The following F13B variants were observed in gnomAD, a reference collection of about 807,000 sequenced individuals.
F13B encodes coagulation factor XIII B chain.
In F13B, 58 loss-of-function variants were observed where a neutral mutation model predicts 79.8. The observed-to-expected ratio is 0.73, with a 90% CI of 0.59 to 0.90. F13B has a LOEUF of 0.90. Ranked by LOEUF, F13B falls within the 40% of genes least tolerant of loss-of-function variation. The probability of loss-of-function intolerance (pLI) is 0.00; values close to 1 mark genes in which losing one functional copy is unlikely to be tolerated. For missense variants in F13B, 773 were observed against 777.0 expected (o/e 0.99, Z 0.06); for synonymous variants, 283 against 260.3 (o/e 1.09, Z -0.84).
intron 1 of F13B, among the ~76,000 whole-genome samples, chr1:197,064,859 G>T (rs1655993622): frequency 6.6e-6 from 1 of 152,170 alleles, no homozygotes; most frequent in Non-Finnish European, 1.5e-5. Flanking sequence ...GGGCAGTCAT[G>T]GATGGAAGAA....
intron 11 of F13B, among the ~76,000 whole-genome samples, chr1:197,039,653 G>T (rs796744375): frequency 1.1e-4 from 17 of 152,072 alleles, no homozygotes; most frequent in African/African-American, 3.6e-4. Flanking sequence ...TCTTAAAAGT[G>T]AGAAATTCAT....
chr1:197,052,879 A>G (rs1655499342), intron 8 of F13B, 45 bp from the exon 9 acceptor site: 2 of 1,469,746 alleles, frequency 1.4e-6, no homozygotes, highest in South Asian at 2.4e-5. Flanking sequence ...TGTCTGACAA[A>G]TATAAAAGTG....
chr1:197,049,120 C>G (rs994160429), intron 10 of F13B, among the ~76,000 whole-genome samples: 1 of 151,822 alleles, frequency 6.6e-6, no homozygotes, highest in African/African-American at 2.4e-5. Context: ...TAAAGTTGTG[C>G]TCAGAGAGAA....
chr1:197,039,934 G>A (rs1056097908), intron 11 of F13B, among the ~76,000 whole-genome samples: 1 of 151,738 alleles, frequency 6.6e-6, no homozygotes, highest in Non-Finnish European at 1.5e-5. Flanking sequence ...TTTATATATA[G>A]TGTCTTCAAA....
At chr1:197,066,003 T>G (rs574406770) in intron 1 of F13B, among the ~76,000 whole-genome samples, 22 of 152,132 alleles carry the variant, frequency 1.4e-4, no homozygotes, top group East Asian at 3.9e-4. Flanking sequence ...TACTTTTTTT[T>G]TTGTTGTGTA....
intron 10 of F13B, among the ~76,000 whole-genome samples, chr1:197,047,291 A>G (rs922654872): frequency 2.6e-5 from 4 of 152,232 alleles, no homozygotes; most frequent in African/African-American, 9.6e-5. Flanking sequence ...CAGAATCTAC[A>G]AAGAGCTTAA....
At chr1:197,053,940 G>A (rs1377155613) in intron 8 of F13B, among the ~76,000 whole-genome samples, 1 of 152,038 alleles carries the variant, frequency 6.6e-6, no homozygotes, top group Admixed American at 6.6e-5. Context: ...CAGAAAGACT[G>A]GAGTGATTAG....
At chr1:197,061,582 G>A (rs757504431) in intron 3 of F13B, among the ~76,000 whole-genome samples, 2 of 151,958 alleles carry the variant, frequency 1.3e-5, no homozygotes, top group Admixed American at 6.6e-5. Flanking sequence ...AACTATTGGC[G>A]TAGGTGGGTT....
chr1:197,039,946 AG>A (rs1271716942), intron 11 of F13B, among the ~76,000 whole-genome samples: 1 of 152,042 alleles, frequency 6.6e-6, no homozygotes, highest in African/African-American at 2.4e-5. Context: ...GTCTTCAAAA[AG>A]GGTTAAAATT....
intron 2 of F13B, 40 bp downstream of exon 2, chr1:197,062,817 T>G: frequency 1.3e-4 from 202 of 1,587,316 alleles, no homozygotes; most frequent in Non-Finnish European, 1.6e-4. Flanking sequence ...CAAATTTCTT[T>G]GAGTATTGAA....
intron 11 of F13B, among the ~76,000 whole-genome samples, chr1:197,039,770 A>G (rs1654969315): frequency 6.6e-6 from 1 of 151,994 alleles, no homozygotes; most frequent in African/African-American, 2.4e-5. Flanking sequence ...TCTTTTAAAT[A>G]TTTTTTTACT....
At chr1:197,060,691 A>G in intron 4 of F13B, 149 bp from the exon 5 acceptor site, 1 of 733,848 alleles carries the variant, frequency 1.4e-6, no homozygotes, top group East Asian at 2.7e-5. Flanking sequence ...AAATATCATT[A>G]GGCTTATTCT....
At position 197,057,301 on chromosome 1, in the gene F13B, G is replaced by A; in HGVS notation, c.970C>T (p.Pro324Ser). 2 of 1,613,906 alleles carry A rather than the reference G, an allele frequency of 1.2e-6. No homozygotes were observed. Among genetic ancestry groups the A allele is most frequent in the Non-Finnish European group, 1.7e-6 (2 of 1,179,914 alleles). The change falls in exon 6 of 12, where the codon CCT (proline) becomes TCT (serine). Residue 324 changes from proline (P) to serine (S), a missense_variant. Transcript: ENST00000367412. ...TGTTACTAACCAATGCATTTTGGAG[G>A]TTCTGTCCATTTTCCATCTTCACAA... ...IRCEDGKWTE[P>S]PKCIEGQEKV...
chr1:197,062,967 T>A lies in F13B; in HGVS notation c.155A>T (p.Asp52Val), dbSNP rs1655921937. Residue 52 changes from aspartate to valine, a missense_variant, in exon 2 of 12, where the codon GAC becomes GTC. Transcript: ENST00000367412. The part of the protein sequence containing the change: ...FKSFYFPMSI[D>V]KKLSFFCLAG... The stretch of plus-strand genomic sequence containing the variant: ...CAAGCAGAAAAATGACAATTTTTTG[T>A]CTATGCTCATTGGAAAGTAAAAGCT... The A allele has an allele frequency of 6.2e-7, 1 of 1,613,848 alleles. No individual in the cohort carries two copies. Among genetic ancestry groups the A allele is most frequent in the Non-Finnish European group, 8.5e-7 (1 of 1,179,772 alleles).
Position 197,062,897 on chromosome 1 carries a change from C to T in F13B, c.225G>A (p.Thr75=), listed in dbSNP as rs545308349. The T allele has an allele frequency of 9.8e-5, 158 of 1,613,856 alleles. No individual in the cohort carries two copies. The highest frequency in any genetic ancestry group is 1.1e-4 in the Non-Finnish European group (127 of 1,179,810). The change falls in exon 2 of 12, where the codon ACG becomes ACA. Residue 75 remains threonine, a synonymous_variant. Transcript: ENST00000367412. ...CTGGAGACCAGCCTTCTGTTGTACA[C>T]GTGGTTTGCTCTTCTTGTCTTCCAC... is the stretch of plus-strand genomic sequence containing the variant. ...TESGRQEEQT[T]CTTEGWSPEP...
At chr1:197,045,034 T>C (rs900725853) in intron 10 of F13B, among the ~76,000 whole-genome samples, 1 of 152,092 alleles carries the variant, frequency 6.6e-6, no homozygotes, top group African/African-American at 2.4e-5. Context: ...TTTATAGCAC[T>C]AAATGCCCAC....
rs1654945941 is a variant in F13B at position 197,039,139 on chromosome 1, T to C, written c.*239A>G. 8.6e-6 allele frequency: 4 copies of C among 466,582 alleles called. No homozygotes were observed. The highest frequency in any genetic ancestry group is 1.5e-5 in the Non-Finnish European group (4 of 261,522). 28.9% of individuals were successfully genotyped at this position (466,582 alleles called of 1,614,324 possible). On this transcript the variant is annotated 3_prime_UTR_variant, in exon 12 of 12. Transcript: ENST00000367412. ...AATGAAAATATGATGTGTAGATTAA[T>C]TTGTAACAGATGGAAGACATACAAA...
chr1:197,065,589 A>G (rs1032181891), intron 1 of F13B, among the ~76,000 whole-genome samples: 4 of 152,194 alleles, frequency 2.6e-5, no homozygotes, highest in African/African-American at 9.6e-5. Flanking sequence ...CAGAGATGAT[A>G]TACTTCAAAA....
chr1:197,064,354 T>A (rs1486183927), intron 1 of F13B, among the ~76,000 whole-genome samples: 6 of 152,148 alleles, frequency 3.9e-5, no homozygotes, highest in African/African-American at 1.4e-4. Flanking sequence ...GTGGCAGTAT[T>A]CATATAGTCC....
Sources: gnomAD v4.1 joint callset for allele counts (sites outside exome capture counted in the v4.1 genomes callset) on GRCh38, gnomAD v4.1.1 for gene constraint, MANE v1.5 for transcripts, NCBI Gene and HGNC (gene_info 2026-07-23, HGNC 2026-07-21) for gene names.